The following VSTM2L variants were observed in gnomAD, a reference collection of about 807,000 sequenced individuals.
VSTM2L encodes V-set and transmembrane domain containing 2 like.
VSTM2L carries 9 observed loss-of-function variants against 19.9 expected under a neutral mutation model. That is an observed-to-expected ratio of 0.45 (90% CI 0.27 to 0.79). The LOEUF is 0.79. Among genes scored for constraint, VSTM2L ranks in the 30% least tolerant of loss-of-function variants. VSTM2L has a pLI of 0.15. For missense variants in VSTM2L, 286 were observed against 295.5 expected, an observed-to-expected ratio of 0.97 and a Z score of 0.24; for synonymous variants, 127 against 133.8, an observed-to-expected ratio of 0.95 and a Z score of 0.35.
At chr20:37,906,512 G>C (rs552163214) in intron 1 of VSTM2L, among the ~76,000 whole-genome samples, 2 of 152,206 alleles carry the variant, frequency 1.3e-5, no homozygotes, top group Non-Finnish European at 2.9e-5. Context: ...TGTGTGCCCC[G>C]TGCTGCCAAG....
At chr20:37,916,212 C>T (rs2072817711) in intron 1 of VSTM2L, among the ~76,000 whole-genome samples, 1 of 152,246 alleles carries the variant, frequency 6.6e-6, no homozygotes, top group African/African-American at 2.4e-5. Context: ...ACCCCACTAG[C>T]TTTGCAGGAT....
At chr20:37,924,712 A>G (rs761590595) in intron 1 of VSTM2L, among the ~76,000 whole-genome samples, 1 of 152,002 alleles carries the variant, frequency 6.6e-6, no homozygotes, top group Non-Finnish European at 1.5e-5. Flanking sequence ...ATACACATCA[A>G]TCTGTGTATT....
intron 1 of VSTM2L, among the ~76,000 whole-genome samples, chr20:37,904,555 G>A (rs886098047): frequency 2.6e-5 from 4 of 152,318 alleles, no homozygotes; most frequent in East Asian, 1.9e-4. Context: ...ATGGAGGCTC[G>A]AGCATAGATG....
At chr20:37,914,241 C>A (rs902625859) in intron 1 of VSTM2L, among the ~76,000 whole-genome samples, 12 of 145,780 alleles carry the variant, frequency 8.2e-5, no homozygotes, top group African/African-American at 3.1e-4. Context: ...ATGTATATGT[C>A]TATGTGTGTG....
chr20:37,924,771 G>A lies in VSTM2L; in HGVS notation c.122-6864G>A, dbSNP rs185621728. Among the ~76,000 whole-genome samples the A allele has an allele frequency of 7.2e-5, 11 of 152,190 alleles. No individual in the cohort carries two copies. The East Asian group carries it at 1.9e-3, about 27-fold the overall frequency. On this transcript the variant is annotated intron_variant, in intron 1 of 3. Coordinates refer to ENST00000373461, the MANE Select transcript of VSTM2L (RefSeq NM_080607.3). ...GTATCCTCACTCAGAGTTAGGAGAG[G>A]GAGGAAGACCCTGTTGCTGATTGAG...
In VSTM2L at chr20:37,945,101, C is replaced by T. The variant is rs2073001078; in HGVS notation, c.*848C>T. On this transcript the variant is annotated 3_prime_UTR_variant, in exon 4 of 4. Transcript: ENST00000373461. Reference sequence around the variant, plus strand: ...CCCCAGGGCCTGGGGCTGTTGGGAGCCAAGGGCCCCCTGGTACTCAGTTCC... The same window carrying T: ...CCCCAGGGCCTGGGGCTGTTGGGAGTCAAGGGCCCCCTGGTACTCAGTTCC... The T allele has an allele frequency of 2.0e-6, 2 of 985,674 alleles. No individual in the cohort carries two copies. The highest frequency in any genetic ancestry group is 2.4e-6 in the Non-Finnish European group (2 of 829,932). 61.1% of individuals were successfully genotyped at this position (985,674 alleles called of 1,614,324 possible).
At chr20:37,924,554 C>CAAAAAAAA (rs368447073) in intron 1 of VSTM2L, among the ~76,000 whole-genome samples, 1 of 90,104 alleles carries the variant, frequency 1.1e-5, no homozygotes, top group African/African-American at 4.4e-5. Context: ...GACTCTGTCT[C>CAAAAAAAA]AAAAAAAAAA....
rs140692915 is a variant in VSTM2L at position 37,939,559 on chromosome 20, T to A, written c.343-4422T>A. On this transcript the variant is annotated intron_variant, in intron 3 of 3. Coordinates refer to ENST00000373461, the MANE Select transcript of VSTM2L (RefSeq NM_080607.3). ...GCTGTTATTATTTTTATTAAAAATA[T>A]CGTATTTGCCTTCTCCAGATTGTGC... 2.1e-3 allele frequency among the ~76,000 whole-genome samples: 327 copies of A among 152,296 alleles called. 1 individual carries two copies. Among genetic ancestry groups the A allele is most frequent in the Middle Eastern group, 3.4e-3 (1 of 294 alleles).
At chr20:37,926,178 C>A (rs1322283745) in intron 1 of VSTM2L, among the ~76,000 whole-genome samples, 1 of 152,210 alleles carries the variant, frequency 6.6e-6, no homozygotes, top group African/African-American at 2.4e-5. Context: ...TCTCCTGCCT[C>A]AGCCTAACAA....
rs1236990490 is a variant in VSTM2L at position 37,944,919 on chromosome 20, C to T, written c.*666C>T. On this transcript the variant is annotated 3_prime_UTR_variant, in exon 4 of 4. Transcript: ENST00000373461. Reference sequence around the variant, plus strand: ...CAGGATTCTCTGCCCTGTCACACGGCGAGTCAGAAGGGAGGGGCCTTTCCC... The same window carrying T: ...CAGGATTCTCTGCCCTGTCACACGGTGAGTCAGAAGGGAGGGGCCTTTCCC... The T allele has an allele frequency of 8.1e-6, 8 of 985,772 alleles. No homozygotes were observed. Among genetic ancestry groups the T allele is most frequent in the African/African-American group, 3.5e-5 (2 of 57,210 alleles). 61.1% of individuals were successfully genotyped at this position (985,772 alleles called of 1,614,324 possible).
chr20:37,912,594 G>T (rs577037196), intron 1 of VSTM2L, among the ~76,000 whole-genome samples: 11 of 152,192 alleles, frequency 7.2e-5, no homozygotes, highest in Admixed American at 2.6e-4. Context: ...GGCTGGGCTG[G>T]TGCCCTCTGC....
intron 1 of VSTM2L, among the ~76,000 whole-genome samples, chr20:37,923,497 G>T (rs1456976546): frequency 6.6e-6 from 1 of 152,176 alleles, no homozygotes; most frequent in Non-Finnish European, 1.5e-5. Flanking sequence ...CTAATTTGTG[G>T]ACACCAGTTT....
chr20:37,911,030 T>G (rs1433412703), intron 1 of VSTM2L, among the ~76,000 whole-genome samples: 1 of 151,344 alleles, frequency 6.6e-6, no homozygotes, highest in African/African-American at 2.4e-5. Flanking sequence ...CCCAGCACTT[T>G]GGGAGGCCGA....
At chr20:37,932,391 C>T (rs920776351) in intron 2 of VSTM2L, among the ~76,000 whole-genome samples, 7 of 152,220 alleles carry the variant, frequency 4.6e-5, no homozygotes, top group East Asian at 3.9e-4. Context: ...AGCCAACTGC[C>T]AGCTCCTCTG....
intron 1 of VSTM2L, among the ~76,000 whole-genome samples, chr20:37,923,372 T>G (rs1051434260): frequency 2.0e-5 from 3 of 152,182 alleles, no homozygotes; most frequent in African/African-American, 7.2e-5. Flanking sequence ...TTCCTGCAGC[T>G]GATGCACCGA....
chr20:37,916,977 A>T (rs2072822169), intron 1 of VSTM2L, among the ~76,000 whole-genome samples: 1 of 152,180 alleles, frequency 6.6e-6, no homozygotes, highest in Non-Finnish European at 1.5e-5. Flanking sequence ...TAGTTGCATC[A>T]CATTGTGAAT....
chr20:37,927,104 A>G lies in VSTM2L; in HGVS notation c.122-4531A>G, dbSNP rs540630735. ...CTTAGCCTCCCAAGTAGCTGGGACT[A>G]CAGGCACATGCCACCACACCCAGCT... On this transcript the variant is annotated intron_variant, in intron 1 of 3. Transcript: ENST00000373461. Among the ~76,000 whole-genome samples, 15 of 152,298 alleles carry G rather than the reference A, an allele frequency of 9.8e-5. No homozygotes were observed. In the South Asian group the frequency reaches 2.9e-3, roughly 29 times the overall value.
chr20:37,940,892 G>A (rs1471290157), intron 3 of VSTM2L, among the ~76,000 whole-genome samples: 6 of 152,138 alleles, frequency 3.9e-5, no homozygotes, highest in East Asian at 3.9e-4. Context: ...TCACTATCAC[G>A]AGAACAGCAT....
chr20:37,905,098 GAC>G (rs2072744142), intron 1 of VSTM2L, among the ~76,000 whole-genome samples: 2 of 152,070 alleles, frequency 1.3e-5, no homozygotes, highest in South Asian at 2.1e-4. Flanking sequence ...GTCAGGCAAA[GAC>G]AGCGCTTTTT....
Sources: allele counts gnomAD v4.1 joint callset (sites outside exome capture counted in the v4.1 genomes callset), GRCh38; gene constraint gnomAD v4.1.1; transcripts MANE v1.5; gene names NCBI Gene and HGNC (gene_info 2026-07-23, HGNC 2026-07-21).